PLIN4: variants seen among roughly 807,000 people sequenced by gnomAD.
PLIN4 encodes perilipin 4.
A neutral mutation model predicts 52.4 loss-of-function variants in PLIN4; 57 were observed. The ratio of observed to expected loss-of-function variants is 1.09; its 90% CI spans 0.88 to 1.36. The LOEUF (loss-of-function observed/expected upper bound fraction) is 1.36. Ranked by LOEUF, PLIN4 falls within the 40% of genes most tolerant of loss-of-function variation. The probability of loss-of-function intolerance (pLI) is 0.00; values close to 1 mark genes in which losing one functional copy is unlikely to be tolerated. For missense variants in PLIN4, 1,757 were observed against 1,770.3 expected, an observed-to-expected ratio of 0.99 and a Z score of 0.13; for synonymous variants, 826 against 785.4, an observed-to-expected ratio of 1.05 and a Z score of -0.86.
At position 4,502,276 on chromosome 19, in the gene PLIN4, C is replaced by T. The variant is rs1043365248; in HGVS notation, c.*2183G>A. 12 of 528,264 alleles carry T rather than the reference C, an allele frequency of 2.3e-5. No individual in the cohort carries two copies. Among genetic ancestry groups the T allele is most frequent in the African/African-American group, 9.8e-5 (5 of 51,080 alleles). The allele number at this position is 528,264 out of a possible 1,614,324, so 32.7% of individuals were successfully genotyped here. On this transcript the variant is annotated 3_prime_UTR_variant, in exon 8 of 8. Coordinates refer to ENST00000301286, the MANE Select transcript of PLIN4 (RefSeq NM_001367868.2). ...GTGGGGGCCTGAGCTGGGGCGCAGGCGGCAGTGTCACTGGGCCCGTTTGGG... is the reference window on the plus strand; with the variant it reads ...GTGGGGGCCTGAGCTGGGGCGCAGGTGGCAGTGTCACTGGGCCCGTTTGGG...
chr19:4,518,298 G>C lies in PLIN4; in HGVS notation c.-17-9C>G. On this transcript the variant is annotated splice_polypyrimidine_tract_variant and intron_variant, in intron 1 of 7. Coordinates refer to ENST00000301286, the MANE Select transcript of PLIN4 (RefSeq NM_001367868.2). ...AGTGAGAACGTGAGAAGCTGGAAGG[G>C]GGCAGAGAAGGTGCGTGAATGGGGG... The C allele has an allele frequency of 8.1e-7, 1 of 1,232,820 alleles. No individual in the cohort carries two copies. The highest frequency in any genetic ancestry group is 1.0e-6 in the Non-Finnish European group (1 of 988,584). 76.4% of individuals were successfully genotyped at this position (1,232,820 alleles called of 1,614,324 possible). A position where few individuals can be genotyped will look rare whatever the true frequency, so the allele number is the denominator to read the frequency against.
In PLIN4 at chr19:4,510,833, C is replaced by T. The variant is rs751981457; in HGVS notation, c.3127G>A (p.Gly1043Arg). 6.2e-7 allele frequency: 1 copy of T among 1,611,944 alleles called. No individual in the cohort carries two copies. The highest frequency in any genetic ancestry group is 8.5e-7 in the Non-Finnish European group (1 of 1,178,628). The change falls in exon 5 of 8, where the codon GGG becomes AGG. Residue 1043 changes from glycine to arginine, a missense_variant. Around this residue, in one of 7 missense-constraint regions of PLIN4, gnomAD observed 712 missense variants for 637.1 expected, o/e 1.12. Coordinates refer to ENST00000301286, the MANE Select transcript of PLIN4 (RefSeq NM_001367868.2). ...GLMGSGNVAT[G>R]ATHTGLSTFQ... ...GTGCTGAGGCCAGTGTGGGTGGCCC[C>T]TGTCGCCACGTTCCCTGACCCCATG...
chr19:4,514,492 G>A lies in PLIN4; in HGVS notation c.259-791C>T, dbSNP rs565292672. Among the ~76,000 whole-genome samples the A allele has an allele frequency of 2.6e-5, 4 of 151,858 alleles. No homozygotes were observed. In the East Asian group the frequency reaches 5.8e-4, roughly 22 times the overall value. On this transcript the variant is annotated intron_variant, in intron 4 of 7. Coordinates refer to ENST00000301286, the MANE Select transcript of PLIN4 (RefSeq NM_001367868.2). ...TGTAATCCCAGCACTTTGGGAGGCC[G>A]AGGCGGGCAGATCACGAGGTCAGGA...
chr19:4,508,752 A>C lies in PLIN4; in HGVS notation c.3702+16T>G, dbSNP rs1316374254. 9 of 1,563,508 alleles carry C rather than the reference A, an allele frequency of 5.8e-6. No homozygotes were observed. Among genetic ancestry groups the C allele is most frequent in the Non-Finnish European group, 7.8e-6 (9 of 1,154,484 alleles). On this transcript the variant is annotated intron_variant, in intron 6 of 7. Transcript: ENST00000301286. Reference sequence around the variant, plus strand: ...AGTGCCCTGGGGACGGGGCAGCAGCAGGGGGAAGCTCTTACCAGCCTGAAG... The same window carrying C: ...AGTGCCCTGGGGACGGGGCAGCAGCCGGGGGAAGCTCTTACCAGCCTGAAG...
chr19:4,502,217 T>A lies in PLIN4; in HGVS notation c.*2242A>T, dbSNP rs1398418277. The A allele has an allele frequency of 6.0e-6, 4 of 661,808 alleles. No homozygotes were observed. The African/African-American group carries it at 7.3e-5, about 12-fold the overall frequency. The allele number at this position is 661,808 out of a possible 1,614,324, so 41.0% of individuals were successfully genotyped here. ...TTTTTTAATGAAAAAAGAAATCACT[T>A]TTATTGGCTTGGTTTTCTAGCATTG... is the stretch of plus-strand genomic sequence containing the variant. On this transcript the variant is annotated 3_prime_UTR_variant, in exon 8 of 8. Transcript: ENST00000301286.
At position 4,512,021 on chromosome 19, in the gene PLIN4, C is replaced by T. The variant is rs377600572; in HGVS notation, c.1939G>A (p.Gly647Arg). 4 of 1,613,002 alleles carry T rather than the reference C, an allele frequency of 2.5e-6. No individual in the cohort carries two copies. The African/African-American group carries it at 5.4e-5, about 22-fold the overall frequency. ...GTTTTCAGCCCAGTTTGCACAGCCC[C>T]CTTGGCCACGTTCACGGCACTGGTG... ...GVTSAVNVAK[G>R]AVQTGLKTTQ... The change falls in exon 5 of 8, where the codon GGG becomes AGG. Residue 647 changes from glycine to arginine, a missense_variant. By Grantham distance (125) the Gly-to-Arg change is moderately radical. This residue lies in a region of PLIN4 where 439 missense variants were observed against 406.4 expected (regional missense o/e 1.08). Transcript: ENST00000301286.
intron 5 of PLIN4, among the ~76,000 whole-genome samples, chr19:4,509,835 C>G (rs1976231265): frequency 6.6e-6 from 1 of 151,788 alleles, no homozygotes; most frequent in African/African-American, 2.4e-5. Context: ...GCAGGAGGAT[C>G]ACTTGAGCCC....
chr19:4,509,096 T>G, intron 5 of PLIN4, 141 bp from the exon 6 acceptor site: 1 of 730,312 alleles, frequency 1.4e-6, no homozygotes, highest in Non-Finnish European at 2.2e-6. Context: ...GATCACGAGG[T>G]CAGGAGATCG....
intron 6 of PLIN4, among the ~76,000 whole-genome samples, chr19:4,508,241 G>A (rs967433163): frequency 3.3e-5 from 5 of 152,092 alleles, no homozygotes; most frequent in African/African-American, 1.2e-4. Context: ...AGATTGTTTT[G>A]CTGTCTTTGT....
chr19:4,512,830 G>A lies in PLIN4; in HGVS notation c.1130C>T (p.Ala377Val), dbSNP rs1429288398. ...KNTVCSGVTG[A>V]VNLAKEAIQG... Reference sequence around the variant, plus strand: ...GATGGCCTCTTTGGCCAAGTTCACGGCACCGGTCACCCCACTGCAGACAGT... The same window carrying A: ...GATGGCCTCTTTGGCCAAGTTCACGACACCGGTCACCCCACTGCAGACAGT... Residue 377 changes from alanine to valine, a missense_variant, in exon 5 of 8, where the codon GCC becomes GTC. By Grantham distance (64) the Ala-to-Val change is moderately conservative. Coordinates refer to ENST00000301286, the MANE Select transcript of PLIN4 (RefSeq NM_001367868.2). The A allele has an allele frequency of 1.5e-5, 23 of 1,564,724 alleles. 2 individuals carry two copies. The highest frequency in any genetic ancestry group is 1.9e-5 in the Non-Finnish European group (22 of 1,162,136).
chr19:4,503,756 G>A lies in PLIN4; in HGVS notation c.*703C>T. On this transcript the variant is annotated 3_prime_UTR_variant, in exon 8 of 8. Coordinates refer to ENST00000301286, the MANE Select transcript of PLIN4 (RefSeq NM_001367868.2). ...TTGCACCCCCCACCCCCTGCAAACT[G>A]CTCAGTCTCAAGCCAGGCTGGTGCA... 6.5e-6 allele frequency: 1 copy of A among 152,794 alleles called. No homozygotes were observed. The highest frequency in any genetic ancestry group is 1.5e-5 in the Non-Finnish European group (1 of 68,418). 9.5% of individuals were successfully genotyped at this position (152,794 alleles called of 1,614,324 possible). A position where few individuals can be genotyped will look rare whatever the true frequency, so the allele number is the denominator to read the frequency against.
At position 4,512,755 on chromosome 19, in the gene PLIN4, G is replaced by A. The variant is rs761447514; in HGVS notation, c.1205C>T (p.Thr402Met). 8 of 1,559,924 alleles carry A rather than the reference G, an allele frequency of 5.1e-6. 2 individuals are homozygous for A. Among genetic ancestry groups the A allele is most frequent in the South Asian group, 2.2e-5 (2 of 89,516 alleles). ...TGCCCCTGTGAGCCCAGTGGACATC[G>A]TGTCTTTCGTACCCATGACCATAGA... ...TKSMVMGTKD[T>M]MSTGLTGAAN... The change falls in exon 5 of 8, where the codon ACG (threonine) becomes ATG (methionine). Residue 402 changes from threonine (T) to methionine (M), a missense_variant. By Grantham distance (81) the Thr-to-Met change is moderately conservative (BLOSUM62 -1). Transcript: ENST00000301286.
At chr19:4,506,531 C>A (rs779385544) in intron 6 of PLIN4, among the ~76,000 whole-genome samples, 1 of 152,224 alleles carries the variant, frequency 6.6e-6, no homozygotes, top group East Asian at 1.9e-4. Flanking sequence ...TGGCGCCCCC[C>A]ACCCCCCAAG....
Position 4,509,310 on chromosome 19 carries a change from CA to C in PLIN4, c.3515-356del, listed in dbSNP as rs71168909. On this transcript the variant is annotated intron_variant, in intron 5 of 7. Coordinates refer to ENST00000301286, the MANE Select transcript of PLIN4 (RefSeq NM_001367868.2). ...TGGGTAAGAGTGCGAGACTCCGTCT[CA>C]AAAAAAAAAAAAAAGTTAAGTGAGG... 5.1e-4 allele frequency among the ~76,000 whole-genome samples: 8 copies of C among 15,802 alleles called. 1 individual carries two copies. Among genetic ancestry groups the C allele is most frequent in the African/African-American group, 1.0e-3 (5 of 5,020 alleles). The allele number at this position is 15,802 out of a possible 152,430, so 10.4% of individuals were successfully genotyped here.
chr19:4,506,052 C>T (rs1397671598), intron 6 of PLIN4, among the ~76,000 whole-genome samples: 1 of 152,128 alleles, frequency 6.6e-6, no homozygotes, highest in African/African-American at 2.4e-5. Context: ...CAGCACTTGC[C>T]TGGGTTTACG....
At position 4,512,896 on chromosome 19, in the gene PLIN4, C is replaced by T. The variant is rs758503357; in HGVS notation, c.1064G>A (p.Gly355Asp). The T allele has an allele frequency of 6.4e-7, 1 of 1,574,194 alleles. No homozygotes were observed. The highest frequency in any genetic ancestry group is 8.5e-7 in the Non-Finnish European group (1 of 1,173,336). ...TAGGACAGTCTTGGTGGTGTCCACG[C>T]CGGTCTGGATGGTTCCTTTGGCCAC... ...MNVAKGTIQT[G>D]VDTTKTVLTG... Residue 355 changes from glycine to aspartate, a missense_variant, in exon 5 of 8, where the codon GGC (glycine) becomes GAC (aspartate). Physicochemically the swap from Gly to Asp is moderately conservative, Grantham distance 94. This residue lies in a region of PLIN4 where 99 missense variants were observed against 143.4 expected (regional missense o/e 0.69). Transcript: ENST00000301286.
rs769913488 is a variant in PLIN4, at chr19:4,512,724, A to G, written c.1236T>C (p.Asn412=). Residue 412 remains asparagine (N), a synonymous_variant, in exon 5 of 8, where the codon AAT becomes AAC. Coordinates refer to ENST00000301286, the MANE Select transcript of PLIN4 (RefSeq NM_001367868.2). ...CAGTTTGCATGGCCCCCTTGGCCAC[A>G]TTCGCTGCCCCTGTGAGCCCAGTGG... ...TMSTGLTGAA[N]VAKGAMQTGL... 31 of 1,552,288 alleles carry G rather than the reference A, an allele frequency of 2.0e-5. 2 individuals are homozygous for G. The highest frequency in any genetic ancestry group is 7.9e-5 in the South Asian group (7 of 89,168).
chr19:4,504,639 G>T lies in PLIN4; in HGVS notation c.3936C>A (p.Leu1312=), dbSNP rs774053615. The T allele has an allele frequency of 5.1e-5, 81 of 1,603,860 alleles. No individual in the cohort carries two copies. The highest frequency in any genetic ancestry group is 6.4e-5 in the Non-Finnish European group (75 of 1,178,332). The change falls in exon 8 of 8, where the codon CTC becomes CTA. Residue 1312 remains leucine (L), a synonymous_variant. Transcript: ENST00000301286. ...AGCCAGCTGAGGCCACGATGCCATA[G>T]AGCTCACAGAGGCTGTGCCGCGCCC... The part of the protein sequence containing the change: ...VGRARHSLCE[L]YGIVASAGSV...
intron 4 of PLIN4, 52 bp downstream of exon 4, chr19:4,516,565 G>T: frequency 6.4e-7 from 1 of 1,553,364 alleles, no homozygotes; most frequent in Non-Finnish European, 8.7e-7. Context: ...CGCAGGAGGG[G>T]GCACCCCCAG....
Sources: gnomAD v4.1 joint callset for allele counts (sites outside exome capture counted in the v4.1 genomes callset) on GRCh38, gnomAD v4.1.1 for gene constraint, gnomAD v4.1.1 regional missense constraint, MANE v1.5 for transcripts, NCBI Gene and HGNC (gene_info 2026-07-23, HGNC 2026-07-21) for gene names.